CFAP74: variants seen among roughly 807,000 people sequenced by gnomAD.
The protein encoded by CFAP74 is cilia- and flagella-associated protein 74.
A neutral mutation model predicts 188.9 loss-of-function variants in CFAP74; 124 were observed. The observed-to-expected ratio is 0.66, with a 90% CI of 0.57 to 0.76. The LOEUF is 0.76. Among genes scored for constraint, CFAP74 ranks in the 30% least tolerant of loss-of-function variants. CFAP74 has a pLI of 0.00. For missense variants in CFAP74, 2,198 were observed against 2,165.2 expected (o/e 1.02, Z -0.30); for synonymous variants, 956 against 916.7 (o/e 1.04, Z -0.77).
Position 1,942,217 on chromosome 1 carries a change from A to G in CFAP74, c.2487-61T>C. 4 of 1,378,192 alleles carry G rather than the reference A, an allele frequency of 2.9e-6. No homozygotes were observed. The highest frequency in any genetic ancestry group is 3.8e-6 in the Non-Finnish European group (4 of 1,064,282). The allele number at this position is 1,378,192 out of a possible 1,614,324, so 85.4% of individuals were successfully genotyped here. A position where few individuals can be genotyped will look rare whatever the true frequency, so the allele number is the denominator to read the frequency against. ...ACAGTCGTGATTCTGTGTGCGCTCA[A>G]TGCCTGGAGTTATTAAAACATTTCT... On this transcript the variant is annotated intron_variant, in intron 21 of 38. Coordinates refer to ENST00000682832, the MANE Select transcript of CFAP74 (RefSeq NM_001304360.2). This position sits in a 1 kb window ranked among gnomAD's most constrained non-coding sequence, Gnocchi z 4.3.
chr1:1,971,369 AC>A (rs1224660067), intron 9 of CFAP74, among the ~76,000 whole-genome samples: 1 of 149,610 alleles, frequency 6.7e-6, no homozygotes, highest in East Asian at 2.2e-4. Context: ...CTGCACACAC[AC>A]GGTCACACAT....
chr1:1,956,085 G>A (rs1315217661), intron 17 of CFAP74, among the ~76,000 whole-genome samples: 1 of 152,216 alleles, frequency 6.6e-6, no homozygotes, highest in African/African-American at 2.4e-5. Flanking sequence ...ACTCCAGGCC[G>A]GGTGGGCATG....
rs775268831 is a variant in CFAP74, at chr1:1,956,640, A to T, written c.1996T>A (p.Ser666Thr). The change falls in exon 17 of 39, where the codon TCC becomes ACC. Residue 666 changes from serine (S) to threonine (T), a missense_variant. Transcript: ENST00000682832. ...PASEPCEMDD[S>T]QSALKLSSLL... ...CTCACTAATTTCAGGGCAGACTGGG[A>T]GTCGTCCATCTCACAGGGCTCTGAA... 13 of 1,614,192 alleles carry T rather than the reference A, an allele frequency of 8.1e-6. No homozygotes were observed. The highest frequency in any genetic ancestry group is 1.0e-5 in the Non-Finnish European group (12 of 1,180,040).
Position 1,926,466 on chromosome 1 carries a change from C to G in CFAP74, c.3819G>C (p.Glu1273Asp). The G allele has an allele frequency of 6.5e-7, 1 of 1,550,272 alleles. No individual in the cohort carries two copies. The highest frequency in any genetic ancestry group is 1.2e-5 in the South Asian group (1 of 84,060). Residue 1273 changes from glutamate (E) to aspartate (D), a missense_variant, in exon 31 of 39, where the codon GAG becomes GAC. Transcript: ENST00000682832. ...GGGTGGACAAGGACACGGCCAGATC[C>G]TCGGGAGAGACGTTCTGGATGGAGA... ...KKISIQNVSPEDLALDFSLLN... is the reference protein window; with the variant it reads ...KKISIQNVSPDDLALDFSLLN...
chr1:1,999,674 A>C (rs946252019), intron 1 of CFAP74, among the ~76,000 whole-genome samples: 1 of 151,556 alleles, frequency 6.6e-6, no homozygotes, highest in Admixed American at 6.6e-5. Flanking sequence ...AAAATTAGCC[A>C]GGCGCGGTGG....
intron 25 of CFAP74, among the ~76,000 whole-genome samples, chr1:1,931,196 G>A (rs541070446): frequency 3.3e-5 from 5 of 150,178 alleles, no homozygotes; most frequent in South Asian, 2.1e-4. Flanking sequence ...TTGGGAGGCC[G>A]AGGAGGGCGG....
At chr1:1,970,553 G>A in intron 10 of CFAP74, 106 bp downstream of exon 10, 1 of 1,297,618 alleles carries the variant, frequency 7.7e-7, no homozygotes, top group Non-Finnish European at 1.0e-6. Context: ...GGGCGCCCTG[G>A]GAGAGAGAGC....
Position 1,923,368 on chromosome 1 carries a change from C to T in CFAP74, c.4521G>A (p.Glu1507=), listed in dbSNP as rs1216673442. ...TTCCCTCCCTGGGGAGGGGCTCACC[C>T]TCTCTGTGCCTGGGGTCAAATACAG... ...AIPVFDPRHR[E]ASSRPGPLSP... Residue 1507 remains glutamate, a splice_region_variant and synonymous_variant, in exon 36 of 39, where the codon GAG becomes GAA. Transcript: ENST00000682832. This position sits in a 1 kb window ranked among gnomAD's most constrained non-coding sequence, Gnocchi z 6.3. 8.3e-6 allele frequency: 13 copies of T among 1,567,758 alleles called. No homozygotes were observed. Among genetic ancestry groups the T allele is most frequent in the Non-Finnish European group, 1.1e-5 (13 of 1,156,494 alleles).
At chr1:1,939,246 G>A (rs562196069) in intron 24 of CFAP74, among the ~76,000 whole-genome samples, 9 of 152,362 alleles carry the variant, frequency 5.9e-5, no homozygotes, top group Admixed American at 1.3e-4. Flanking sequence ...GAGAGAGGGA[G>A]GATGGCGGTG....
intron 4 of CFAP74, among the ~76,000 whole-genome samples, chr1:1,987,723 G>C (rs1337337654): frequency 6.6e-6 from 1 of 151,902 alleles, no homozygotes; most frequent in East Asian, 1.9e-4. Context: ...TGTATTTTTA[G>C]TAGAGACGGG....
chr1:1,928,018 C>T, intron 27 of CFAP74: 1 of 486,886 alleles, frequency 2.1e-6, no homozygotes, highest in Non-Finnish European at 3.8e-6. Flanking sequence ...CCGGGGTCCC[C>T]ACCCTGGTGC....
chr1:1,936,730 C>T (rs941844186), intron 25 of CFAP74, among the ~76,000 whole-genome samples: 5 of 151,474 alleles, frequency 3.3e-5, no homozygotes, highest in African/African-American at 1.2e-4. Flanking sequence ...ATAGTGAGAC[C>T]CCATCTCTAC....
At position 1,944,396 on chromosome 1, in the gene CFAP74, G is replaced by A. The variant is rs1653607318; in HGVS notation, c.2421C>T (p.Pro807=). Residue 807 remains proline, a synonymous_variant, in exon 21 of 39, where the codon CCC becomes CCT. Transcript: ENST00000682832. ...AIDVPVWVPK[P]SVDLKICMYD... ...ACATGCAGATCTTCAGGTCCACGCT[G>A]GGCTTCGGCACCCAGACCGGCACAT... 1 of 1,536,026 alleles carries A rather than the reference G, an allele frequency of 6.5e-7. No individual in the cohort carries two copies. Among genetic ancestry groups the A allele is most frequent in the Admixed American group, 2.0e-5 (1 of 50,990 alleles).
At chr1:1,940,541 C>T (rs975588502) in intron 22 of CFAP74, 138 bp from the exon 23 acceptor site, 33 of 611,078 alleles carry the variant, frequency 5.4e-5, no homozygotes, top group African/African-American at 3.8e-4. Context: ...AGACGCATCG[C>T]GCCGCCCTCC....
intron 4 of CFAP74, chr1:1,988,046 C>T: frequency 2.1e-6 from 1 of 465,368 alleles, no homozygotes. Context: ...TGGGCTCAAG[C>T]CATCCTCTGG....
At position 1,972,946 on chromosome 1, in the gene CFAP74, G is replaced by T. The variant is rs767164838; in HGVS notation, c.776C>A (p.Ser259Tyr). ...HKVAVRFLKA[S>Y]LGRIREQEKK... ...CGAAGGGAGGCCCTACCTTCCCAGGGAGGCCTTCAGGAACCGCACGGCAAC... is the reference window on the plus strand; with the variant it reads ...CGAAGGGAGGCCCTACCTTCCCAGGTAGGCCTTCAGGAACCGCACGGCAAC... Residue 259 changes from serine to tyrosine, a missense_variant, in exon 8 of 39, where the codon TCC becomes TAC. Ser to Tyr is a moderately radical substitution (Grantham distance 144). Transcript: ENST00000682832. 6.2e-7 allele frequency: 1 copy of T among 1,611,668 alleles called. No individual in the cohort carries two copies. The highest frequency in any genetic ancestry group is 1.1e-5 in the South Asian group (1 of 91,030).
chr1:1,940,364 C>T lies in CFAP74; in HGVS notation c.2655G>A (p.Lys885=). Residue 885 remains lysine (K), a synonymous_variant, in exon 23 of 39, where the codon AAG becomes AAA. Coordinates refer to ENST00000682832, the MANE Select transcript of CFAP74 (RefSeq NM_001304360.2). ...TCGGGGCCTCCAGGACTCGGGTCTC[C>T]TTGTCAAAATACCTCCCTGCGTCCT... The part of the protein sequence containing the change: ...LPEDAGRYFD[K]ETRVLEAPMT... The T allele has an allele frequency of 6.5e-7, 1 of 1,535,624 alleles. No homozygotes were observed. The highest frequency in any genetic ancestry group is 8.7e-7 in the Non-Finnish European group (1 of 1,146,626).
intron 10 of CFAP74, among the ~76,000 whole-genome samples, chr1:1,970,030 TG>T (rs1305861668): frequency 6.6e-6 from 1 of 152,078 alleles, no homozygotes; most frequent in African/African-American, 2.4e-5. Context: ...AGAGGGGCCT[TG>T]TAGGAACCTG....
At position 1,973,374 on chromosome 1, in the gene CFAP74, C is replaced by T. The variant is rs1392587365; in HGVS notation, c.675-327G>A. Among the ~76,000 whole-genome samples the T allele has an allele frequency of 6.6e-6, 1 of 151,586 alleles. No homozygotes were observed. Among genetic ancestry groups the T allele is most frequent in the Non-Finnish European group, 1.5e-5 (1 of 67,846 alleles). On this transcript the variant is annotated intron_variant, in intron 7 of 38. Transcript: ENST00000682832. The surrounding 1 kb of genome is among the most constrained non-coding windows in gnomAD (Gnocchi z 6.2). ...GGAGGGAGGAGGCAGGGGCTGGGGA[C>T]CTTGTGTCTGCAGCCAGGGCCTGGA...
Sources: allele counts gnomAD v4.1 joint callset (sites outside exome capture counted in the v4.1 genomes callset), GRCh38; gene constraint gnomAD v4.1.1; non-coding constraint Gnocchi (gnomAD v3.1); transcripts MANE v1.5; gene names NCBI Gene and HGNC (gene_info 2026-07-23, HGNC 2026-07-21).